The following ZEB2 variants were observed in gnomAD, a reference collection of about 807,000 sequenced individuals.
ZEB2 encodes zinc finger E-box-binding homeobox 2.
Under a neutral mutation model 99.9 loss-of-function variants are expected in ZEB2, and 6 were observed. The ratio of observed to expected loss-of-function variants is 0.06; its 90% CI spans 0.03 to 0.12. The LOEUF (loss-of-function observed/expected upper bound fraction) is 0.12. Among genes scored for constraint, ZEB2 ranks in the 10% least tolerant of loss-of-function variants. The pLI is 1.00. For synonymous variants in ZEB2, 517 were observed against 542.5 expected (o/e 0.95, Z 0.65); for missense variants, 969 against 1,502.8 (o/e 0.64, Z 5.87).
At chr2:144,465,932 G>A (rs1042110344) in intron 2 of ZEB2, among the ~76,000 whole-genome samples, 9 of 152,034 alleles carry the variant, frequency 5.9e-5, no homozygotes, top group African/African-American at 2.2e-4. Context: ...CCTCTACACC[G>A]TCGATTGCGG....
intron 2 of ZEB2, among the ~76,000 whole-genome samples, chr2:144,514,671 G>C (rs949288554): frequency 1.3e-5 from 2 of 152,144 alleles, no homozygotes; most frequent in Non-Finnish European, 2.9e-5. Context: ...AACATTGCTC[G>C]GTCAGATTAA....
At chr2:144,456,118 T>C (rs1229447660) in intron 2 of ZEB2, among the ~76,000 whole-genome samples, 1 of 109,258 alleles carries the variant, frequency 9.2e-6, no homozygotes. Flanking sequence ...TGTTCCATTG[T>C]TTTTTTTTTT....
rs750032059 is a variant in ZEB2, at chr2:144,424,753, GAC to G, written c.403+41_403+42del. The stretch of plus-strand genomic sequence containing the variant: ...CTTCCCTGCCTCACTAAACCCACAT[GAC>G]ACAGGACAAATGTGATCTGAGCGTG... On this transcript the variant is annotated intron_variant, in intron 4 of 9. Transcript: ENST00000627532. 3 of 1,610,816 alleles carry G rather than the reference GAC, an allele frequency of 1.9e-6. No individual in the cohort carries two copies. The East Asian group carries it at 6.7e-5, about 36-fold the overall frequency.
intron 2 of ZEB2, chr2:144,514,074 T>A: frequency 2.1e-6 from 1 of 474,234 alleles, no homozygotes; most frequent in Non-Finnish European, 3.5e-6. Flanking sequence ...GACTGCCCGC[T>A]ATGGGTTAAC....
In ZEB2 at chr2:144,512,171, A is replaced by G. The variant is rs75714872; in HGVS notation, c.73+5107T>C. The G allele has an allele frequency of 3.9e-4, 504 of 1,287,244 alleles. 4 individuals are homozygous for G. The East Asian group carries it at 0.024, about 62-fold the overall frequency. 79.7% of individuals were successfully genotyped at this position (1,287,244 alleles called of 1,614,324 possible). A position where few individuals can be genotyped will look rare whatever the true frequency, so the allele number is the denominator to read the frequency against. Reference sequence around the variant, plus strand: ...GGCAGACAATCAATTGTCTGTGAGCATTGCAAACCTGCACTCCCTCTCTCT... The same window carrying G: ...GGCAGACAATCAATTGTCTGTGAGCGTTGCAAACCTGCACTCCCTCTCTCT... On this transcript the variant is annotated intron_variant, in intron 2 of 9. Transcript: ENST00000627532.
At chr2:144,405,451 G>A (rs1703373496) in intron 4 of ZEB2, 1 of 229,708 alleles carries the variant, frequency 4.4e-6, no homozygotes, top group Admixed American at 5.3e-5. Context: ...ATTTTTCATT[G>A]TCCACTAGAC....
intron 2 of ZEB2, chr2:144,516,585 C>T (rs184651626): frequency 1.1e-5 from 1 of 91,854 alleles, no homozygotes; most frequent in African/African-American, 4.7e-5. Flanking sequence ...CGCCCTGCGA[C>T]TCCTTCAGTC....
chr2:144,452,613 C>T (rs1704069046), intron 2 of ZEB2, among the ~76,000 whole-genome samples: 3 of 152,138 alleles, frequency 2.0e-5, no homozygotes, highest in Admixed American at 2.0e-4. Context: ...GATTGCAGAT[C>T]GTGTCAACTA....
Position 144,389,663 on chromosome 2 carries a change from C to T in ZEB2, c.3433G>A (p.Glu1145Lys). ...CTGCCCAGCTTCCCGTAGCCATCCT[C>T]GCCTTCTTTCTCGTGCTCCTTCTCG... ...ESEKEHEKEG[E>K]DGYGKLGRQD... The change falls in exon 10 of 10, where the codon GAG becomes AAG. Residue 1145 changes from glutamate to lysine, a missense_variant. This residue lies in a region of ZEB2 where 121 missense variants were observed against 166.4 expected (regional missense o/e 0.73). Coordinates refer to ENST00000627532, the MANE Select transcript of ZEB2 (RefSeq NM_014795.4). The surrounding 1 kb of genome is among the most constrained non-coding windows in gnomAD (Gnocchi z 6.8). 6.2e-7 allele frequency: 1 copy of T among 1,614,166 alleles called. No homozygotes were observed. Among genetic ancestry groups the T allele is most frequent in the Non-Finnish European group, 8.5e-7 (1 of 1,180,032 alleles).
At chr2:144,477,980 T>G (rs1395547886) in intron 2 of ZEB2, among the ~76,000 whole-genome samples, 1 of 152,158 alleles carries the variant, frequency 6.6e-6, no homozygotes, top group African/African-American at 2.4e-5. Context: ...AGGAACATTC[T>G]TAGGTAGAGA....
rs529220318 is a variant in ZEB2, at chr2:144,398,638, G to T, written c.2549C>A (p.Ser850Tyr). The T allele has an allele frequency of 4.3e-6, 7 of 1,614,114 alleles. No homozygotes were observed. Among genetic ancestry groups the T allele is most frequent in the Non-Finnish European group, 5.9e-6 (7 of 1,179,996 alleles). Residue 850 changes from serine to tyrosine, a missense_variant, in exon 8 of 10, where the codon TCT becomes TAT. By Grantham distance (144) the Ser-to-Tyr change is moderately radical. Around this residue, in one of 8 missense-constraint regions of ZEB2, gnomAD observed 346 missense variants for 460.0 expected, o/e 0.75. Transcript: ENST00000627532. Reference sequence around the variant, plus strand: ...CTCATCTGAGTTTTCAGATGAGGAAGAAACACTGTTATGATCTAAACTGAT... The same window carrying T: ...CTCATCTGAGTTTTCAGATGAGGAATAAACACTGTTATGATCTAAACTGAT... Reference protein sequence around the residue: ...SSISLDHNSVSSSSENSDEPL... With the variant: ...SSISLDHNSVYSSSENSDEPL...
rs1553961365 is a variant in ZEB2, at chr2:144,396,599, T to C, written c.2887-7A>G. The C allele has an allele frequency of 4.3e-6, 7 of 1,612,774 alleles. No individual in the cohort carries two copies. The highest frequency in any genetic ancestry group is 1.7e-4 in the Middle Eastern group (1 of 6,058). ...CTCCATCAAGCAATTCTCCCTGCGATAGAATCACACAGTTCAATACAGTGG... is the reference window on the plus strand; with the variant it reads ...CTCCATCAAGCAATTCTCCCTGCGACAGAATCACACAGTTCAATACAGTGG... On this transcript the variant is annotated splice_polypyrimidine_tract_variant and splice_region_variant and intron_variant, in intron 8 of 9. Coordinates refer to ENST00000627532, the MANE Select transcript of ZEB2 (RefSeq NM_014795.4).
chr2:144,474,711 G>T (rs1704407244), intron 2 of ZEB2, among the ~76,000 whole-genome samples: 1 of 152,092 alleles, frequency 6.6e-6, no homozygotes, highest in African/African-American at 2.4e-5. Context: ...AAAGAGATAG[G>T]ACCTTACATT....
Position 144,385,826 on chromosome 2 carries a change from C to G in ZEB2, c.*3625G>C, listed in dbSNP as rs1007860680. ...CATTATTAGAAAGATAAAAAATGAC[C>G]TTTTTAAAAGTTATCTGATTGTGAA... On this transcript the variant is annotated 3_prime_UTR_variant, in exon 10 of 10. Transcript: ENST00000627532. 4 of 152,028 alleles carry G rather than the reference C, an allele frequency of 2.6e-5. No individual in the cohort carries two copies. The highest frequency in any genetic ancestry group is 6.5e-5 in the Admixed American group (1 of 15,272). The allele number at this position is 152,028 out of a possible 1,614,324, so 9.4% of individuals were successfully genotyped here. A position where few individuals can be genotyped will look rare whatever the true frequency, so the allele number is the denominator to read the frequency against.
At chr2:144,422,180 C>T (rs983405834) in intron 4 of ZEB2, among the ~76,000 whole-genome samples, 1 of 152,178 alleles carries the variant, frequency 6.6e-6, no homozygotes, top group African/African-American at 2.4e-5. Flanking sequence ...CTGGTTTTCA[C>T]CCACAGAAAT....
At chr2:144,411,470 T>G (rs1703464065) in intron 4 of ZEB2, among the ~76,000 whole-genome samples, 1 of 152,178 alleles carries the variant, frequency 6.6e-6, no homozygotes, top group Non-Finnish European at 1.5e-5. Flanking sequence ...AAGCTTTTCA[T>G]CATTAAAAGT....
intron 5 of ZEB2, among the ~76,000 whole-genome samples, chr2:144,404,372 G>T (rs373040502): frequency 1.4e-5 from 2 of 146,232 alleles, no homozygotes; most frequent in Admixed American, 6.8e-5. Context: ...TTTTTTTTGG[G>T]GGGGTGGGGG....
intron 2 of ZEB2, among the ~76,000 whole-genome samples, chr2:144,466,699 A>G (rs1191398146): frequency 1.3e-5 from 2 of 152,228 alleles, no homozygotes; most frequent in Non-Finnish European, 2.9e-5. Flanking sequence ...CGTAACAATA[A>G]AACCTCAAAC....
rs202082384 is a variant in ZEB2 at position 144,404,357 on chromosome 2, G to GT, written c.593-228dup. Among the ~76,000 whole-genome samples the GT allele has an allele frequency of 2.7e-3, 242 of 91,240 alleles. 2 individuals carry two copies. The highest frequency in any genetic ancestry group is 5.1e-3 in the African/African-American group (122 of 23,730). 59.9% of individuals were successfully genotyped at this position (91,240 alleles called of 152,430 possible). On this transcript the variant is annotated intron_variant, in intron 5 of 9. Transcript: ENST00000627532. Reference sequence around the variant, plus strand: ...CTCAAAAATTAATTAATTACTTCAGGTTTTTTTTTTTTGGGGGGGTGGGGG... The same window carrying GT: ...CTCAAAAATTAATTAATTACTTCAGGTTTTTTTTTTTTTGGGGGGGTGGGGG...
Sources: gnomAD v4.1 joint callset for allele counts (sites outside exome capture counted in the v4.1 genomes callset) on GRCh38, gnomAD v4.1.1 for gene constraint, gnomAD v4.1.1 regional missense constraint, Gnocchi (gnomAD v3.1) non-coding constraint, MANE v1.5 for transcripts, NCBI Gene and HGNC (gene_info 2026-07-23, HGNC 2026-07-21) for gene names.